KIRREL3: variants seen among roughly 807,000 people sequenced by gnomAD.
KIRREL3 encodes the protein kirre like nephrin family adhesion molecule 3, also known as kin of IRRE-like protein 3.
KIRREL3 carries 36 observed loss-of-function variants against 89.7 expected under a neutral mutation model. The observed-to-expected ratio is 0.40, with a 90% CI of 0.31 to 0.53. The LOEUF is 0.53. KIRREL3 is among the 20% of genes least tolerant of loss of function. The probability of loss-of-function intolerance (pLI) is 0.49; values close to 1 mark genes in which losing one functional copy is unlikely to be tolerated. For missense variants in KIRREL3, 864 were observed against 1,056.6 expected, an observed-to-expected ratio of 0.82 and a Z score of 2.53; for synonymous variants, 445 against 441.4, an observed-to-expected ratio of 1.01 and a Z score of -0.10.
rs900067398 is a variant in KIRREL3, at chr11:126,656,558, G to A, written c.56-93646C>T. Among the ~76,000 whole-genome samples, 2 of 152,136 alleles carry A rather than the reference G, an allele frequency of 1.3e-5. No homozygotes were observed. Among genetic ancestry groups the A allele is most frequent in the Non-Finnish European group, 2.9e-5 (2 of 68,026 alleles). On this transcript the variant is annotated intron_variant, in intron 1 of 16. Transcript: ENST00000525144. This position sits in a 1 kb window ranked among gnomAD's most constrained non-coding sequence, Gnocchi z 4.0. ...AGGTGACAGTGGTTGCGTGCTCCTG[G>A]GCACCGCCTGCCCAGCCCCTGCACT... is the stretch of plus-strand genomic sequence containing the variant.
intron 1 of KIRREL3, among the ~76,000 whole-genome samples, chr11:126,826,896 G>A (rs540862596): frequency 2.0e-5 from 3 of 152,330 alleles, no homozygotes; most frequent in African/African-American, 7.2e-5. Flanking sequence ...CTCTCCTGCA[G>A]AGGGAAGACT....
At chr11:126,552,874 T>TC (rs913987125) in intron 2 of KIRREL3, among the ~76,000 whole-genome samples, 5 of 152,132 alleles carry the variant, frequency 3.3e-5, no homozygotes, top group African/African-American at 4.8e-5. Context: ...AGAAAAGCTT[T>TC]TTTTTTTAGC....
chr11:126,855,022 A>G (rs963050365), intron 1 of KIRREL3, among the ~76,000 whole-genome samples: 6 of 152,158 alleles, frequency 3.9e-5, no homozygotes, highest in Non-Finnish European at 8.8e-5. Context: ...CCCCAGCCCG[A>G]AGGCCCAGGG....
chr11:126,799,756 TA>T (rs1369719953), intron 1 of KIRREL3, among the ~76,000 whole-genome samples: 2 of 152,118 alleles, frequency 1.3e-5, no homozygotes, highest in African/African-American at 4.8e-5. Context: ...CCCCAGTTTT[TA>T]TTAACTTCCA....
chr11:126,521,614 A>G lies in KIRREL3; in HGVS notation c.284-150T>C, dbSNP rs1030096046. ...TCAGGGCTCTGATCTCAGTGCAAGG[A>G]GCACAAATGCAAGAGCTTTCCCAAG... On this transcript the variant is annotated intron_variant, in intron 3 of 16. Transcript: ENST00000525144. This position sits in a 1 kb window ranked among gnomAD's most constrained non-coding sequence, Gnocchi z 4.1. 1 of 677,198 alleles carries G rather than the reference A, an allele frequency of 1.5e-6. No homozygotes were observed. Among genetic ancestry groups the G allele is most frequent in the African/African-American group, 1.8e-5 (1 of 55,186 alleles). The allele number at this position is 677,198 out of a possible 1,614,324, so 41.9% of individuals were successfully genotyped here.
At position 126,605,615 on chromosome 11, in the gene KIRREL3, T is replaced by A. The variant is rs1211517619; in HGVS notation, c.56-42703A>T. 6.6e-6 allele frequency among the ~76,000 whole-genome samples: 1 copy of A among 152,258 alleles called. No individual in the cohort carries two copies. Among genetic ancestry groups the A allele is most frequent in the African/African-American group, 2.4e-5 (1 of 41,472 alleles). ...CCCAGAGACAACCGGCGCGTTTTAA[T>A]AATGTCTACTTGGGTTAATGAAAGT... On this transcript the variant is annotated intron_variant, in intron 1 of 16. Transcript: ENST00000525144. This position sits in a 1 kb window ranked among gnomAD's most constrained non-coding sequence, Gnocchi z 5.7.
chr11:126,970,682 AT>A lies in KIRREL3; in HGVS notation c.55+29772del, dbSNP rs1395426234. On this transcript the variant is annotated intron_variant, in intron 1 of 16. Coordinates refer to ENST00000525144, the MANE Select transcript of KIRREL3 (RefSeq NM_032531.4). The surrounding 1 kb of genome is among the most constrained non-coding windows in gnomAD (Gnocchi z 4.4). The stretch of plus-strand genomic sequence containing the variant: ...GTTGTGATGGGATTTTTTCTATTAT[AT>A]GTAAAATGATAAACATACAGCATTT... 5.9e-5 allele frequency among the ~76,000 whole-genome samples: 9 copies of A among 152,194 alleles called. No individual in the cohort carries two copies. Among genetic ancestry groups the A allele is most frequent in the Non-Finnish European group, 1.2e-4 (8 of 68,026 alleles).
At chr11:126,631,040 T>A (rs977529254) in intron 1 of KIRREL3, among the ~76,000 whole-genome samples, 1 of 152,184 alleles carries the variant, frequency 6.6e-6, no homozygotes, top group African/African-American at 2.4e-5. Flanking sequence ...ATGAAACCAA[T>A]CTTTCTTCTC....
rs1943264966 is a variant in KIRREL3 at position 126,614,519 on chromosome 11, C to A, written c.56-51607G>T. Among the ~76,000 whole-genome samples, 1 of 152,206 alleles carries A rather than the reference C, an allele frequency of 6.6e-6. No individual in the cohort carries two copies. The highest frequency in any genetic ancestry group is 2.4e-5 in the African/African-American group (1 of 41,454). ...CCTTAGATCAATTAAATCAGACTTT[C>A]TCATGAGGGTGCATGGACCTGGGCA... is the stretch of plus-strand genomic sequence containing the variant. On this transcript the variant is annotated intron_variant, in intron 1 of 16. Coordinates refer to ENST00000525144, the MANE Select transcript of KIRREL3 (RefSeq NM_032531.4). The surrounding 1 kb of genome is among the most constrained non-coding windows in gnomAD (Gnocchi z 4.6).
chr11:126,725,341 A>G (rs956383052), intron 1 of KIRREL3, among the ~76,000 whole-genome samples: 3 of 34,944 alleles, frequency 8.6e-5, no homozygotes, highest in African/African-American at 2.4e-4. Context: ...GGAGCGATCA[A>G]AGCAAAAAAA....
intron 1 of KIRREL3, among the ~76,000 whole-genome samples, chr11:126,922,173 A>ATCTC (rs1167182619): frequency 5.1e-5 from 7 of 136,854 alleles, no homozygotes; most frequent in African/African-American, 1.6e-4. Context: ...CTATCTATCT[A>ATCTC]TCTCTATCAT....
rs1941165696 is a variant in KIRREL3, at chr11:126,574,786, C to A, written c.56-11874G>T. ...AATGCTGCTTATGAACCACTTCCAC[C>A]CTTGCCTACCTACTCCTGCCAACCC... is the stretch of plus-strand genomic sequence containing the variant. On this transcript the variant is annotated intron_variant, in intron 1 of 16. Transcript: ENST00000525144. The surrounding 1 kb of genome is among the most constrained non-coding windows in gnomAD (Gnocchi z 5.3). Among the ~76,000 whole-genome samples the A allele has an allele frequency of 6.6e-6, 1 of 152,194 alleles. No individual in the cohort carries two copies. Among genetic ancestry groups the A allele is most frequent in the Admixed American group, 6.5e-5 (1 of 15,278 alleles).
rs1565710121 is a variant in KIRREL3 at position 126,761,865 on chromosome 11, G to A, written c.56-198953C>T. Reference sequence around the variant, plus strand: ...TTTCAATCTCATTTTCTGATATCTAGTTGTGAATTTCCTATAATTAAATAT... The same window carrying A: ...TTTCAATCTCATTTTCTGATATCTAATTGTGAATTTCCTATAATTAAATAT... On this transcript the variant is annotated intron_variant, in intron 1 of 16. Transcript: ENST00000525144. The surrounding 1 kb of genome is among the most constrained non-coding windows in gnomAD (Gnocchi z 4.4). Among the ~76,000 whole-genome samples the A allele has an allele frequency of 6.6e-6, 1 of 152,150 alleles. No individual in the cohort carries two copies. Among genetic ancestry groups the A allele is most frequent in the Non-Finnish European group, 1.5e-5 (1 of 68,028 alleles).
At chr11:126,529,466 C>T (rs775672277) in intron 2 of KIRREL3, among the ~76,000 whole-genome samples, 6 of 151,922 alleles carry the variant, frequency 3.9e-5, no homozygotes, top group Non-Finnish European at 7.4e-5. Context: ...TGGGGCTGAG[C>T]GGGAGAGGGC....
In KIRREL3 at chr11:126,436,797, C is replaced by T. The variant is rs770160837; in HGVS notation, c.1552+14G>A. 3.7e-6 allele frequency: 6 copies of T among 1,613,206 alleles called. No homozygotes were observed. The South Asian group carries it at 6.6e-5, about 18-fold the overall frequency. On this transcript the variant is annotated intron_variant, in intron 12 of 16. Coordinates refer to ENST00000525144, the MANE Select transcript of KIRREL3 (RefSeq NM_032531.4). ...CATCGTTCGTTGTTCCCTCATGGCC[C>T]TGGCAGCTCTCACCTTGCTCCTTGA...
intron 1 of KIRREL3, among the ~76,000 whole-genome samples, chr11:126,818,965 G>C (rs1175803811): frequency 6.6e-6 from 1 of 152,228 alleles, no homozygotes; most frequent in East Asian, 1.9e-4. Flanking sequence ...TAACCCATGG[G>C]GAACACTCAA....
At chr11:126,834,507 T>C (rs1411783850) in intron 1 of KIRREL3, among the ~76,000 whole-genome samples, 9 of 152,216 alleles carry the variant, frequency 5.9e-5, no homozygotes, top group Non-Finnish European at 1.3e-4. Flanking sequence ...ACTGATGACA[T>C]TGGCGATCAT....
At position 126,877,742 on chromosome 11, in the gene KIRREL3, G is replaced by C. The variant is rs970358263; in HGVS notation, c.55+122713C>G. Among the ~76,000 whole-genome samples the C allele has an allele frequency of 2.0e-5, 3 of 152,178 alleles. No homozygotes were observed. Among genetic ancestry groups the C allele is most frequent in the Non-Finnish European group, 4.4e-5 (3 of 68,038 alleles). The stretch of plus-strand genomic sequence containing the variant: ...TGTAACTAAAATAATTCTGGGCACA[G>C]GATGGTGTATAAAAATACAGGCATG... On this transcript the variant is annotated intron_variant, in intron 1 of 16. Transcript: ENST00000525144. This position sits in a 1 kb window ranked among gnomAD's most constrained non-coding sequence, Gnocchi z 4.9.
At chr11:126,657,379 G>A (rs1945197222) in intron 1 of KIRREL3, among the ~76,000 whole-genome samples, 1 of 152,192 alleles carries the variant, frequency 6.6e-6, no homozygotes, top group South Asian at 2.1e-4. Flanking sequence ...GTAGAGCCCT[G>A]ATGACATCCA....
Sources: allele counts gnomAD v4.1 joint callset (sites outside exome capture counted in the v4.1 genomes callset), GRCh38; gene constraint gnomAD v4.1.1; non-coding constraint Gnocchi (gnomAD v3.1); transcripts MANE v1.5; gene names NCBI Gene and HGNC (gene_info 2026-07-23, HGNC 2026-07-21).